Variants in TYMS observed in about 807,000 individuals in gnomAD.
TYMS encodes the protein thymidylate synthetase, also known as thymidylate synthase.
In TYMS, 21 loss-of-function variants were observed where a neutral mutation model predicts 39.3. That is an observed-to-expected ratio of 0.54 (90% CI 0.38 to 0.77). The LOEUF (loss-of-function observed/expected upper bound fraction) is 0.77. Ranked by LOEUF, TYMS falls within the 30% of genes least tolerant of loss-of-function variation. TYMS has a pLI of 0.00. For missense variants in TYMS, 273 were observed against 406.7 expected (o/e 0.67, Z 2.83); for synonymous variants, 171 against 162.2 (o/e 1.05, Z -0.41).
At position 657,715 on chromosome 18, in the gene TYMS, C is replaced by T. The variant is rs973757961; in HGVS notation, c.-28C>T. ...GCCTCCGTCCCGCCGCGCCACTTCG[C>T]CTGCCTCCGTCCCCCGCCCGCCGCG... On this transcript the variant is annotated 5_prime_UTR_variant, in exon 1 of 7. Coordinates refer to ENST00000323274, the MANE Select transcript of TYMS (RefSeq NM_001071.4). 1.1e-5 allele frequency: 14 copies of T among 1,290,710 alleles called. No individual in the cohort carries two copies. The East Asian group carries it at 2.3e-4, about 21-fold the overall frequency. 80.0% of individuals were successfully genotyped at this position (1,290,710 alleles called of 1,614,324 possible).
chr18:658,118 C>CA lies in TYMS; in HGVS notation c.205+172dup. 6.3e-7 allele frequency: 1 copy of CA among 1,587,602 alleles called. No individual in the cohort carries two copies. Among genetic ancestry groups the CA allele is most frequent in the Non-Finnish European group, 8.5e-7 (1 of 1,170,548 alleles). On this transcript the variant is annotated intron_variant, in intron 1 of 6. Transcript: ENST00000323274. The surrounding 1 kb of genome is among the most constrained non-coding windows in gnomAD (Gnocchi z 4.5). Reference sequence around the variant, plus strand: ...TTACAGACGCCGAAACGGAGGGTCCCATTAGGGACGTGACTGGCGCGGGCA... The same window carrying CA: ...TTACAGACGCCGAAACGGAGGGTCCCAATTAGGGACGTGACTGGCGCGGGCA...
chr18:670,524 C>T, intron 4 of TYMS, 168 bp from the exon 5 acceptor site: 1 of 659,768 alleles, frequency 1.5e-6, no homozygotes, highest in East Asian at 2.7e-5. Flanking sequence ...TCCCTCAGCT[C>T]CGTGCCATCG....
chr18:658,007 A>G lies in TYMS; in HGVS notation c.205+60A>G. ...GAAGGAGGGAGGCGCGGCTGGGGAG[A>G]GCGCTCGGGAGCTGCCGGGCGCTGC... On this transcript the variant is annotated intron_variant, in intron 1 of 6. Coordinates refer to ENST00000323274, the MANE Select transcript of TYMS (RefSeq NM_001071.4). The surrounding 1 kb of genome is among the most constrained non-coding windows in gnomAD (Gnocchi z 4.5). 6.6e-7 allele frequency: 1 copy of G among 1,518,726 alleles called. No individual in the cohort carries two copies. Among genetic ancestry groups the G allele is most frequent in the East Asian group, 2.4e-5 (1 of 40,924 alleles). The allele number at this position is 1,518,726 out of a possible 1,614,324, so 94.1% of individuals were successfully genotyped here.
In TYMS at chr18:658,639, G is replaced by T. The variant is rs1041432294; in HGVS notation, c.205+692G>T. ...GCGCCAGGCTTTCAGGGGACAGTGG[G>T]GCGGGGCGGGGTGGGCACAGGACGT... On this transcript the variant is annotated intron_variant, in intron 1 of 6. Coordinates refer to ENST00000323274, the MANE Select transcript of TYMS (RefSeq NM_001071.4). This position sits in a 1 kb window ranked among gnomAD's most constrained non-coding sequence, Gnocchi z 4.5. 1 of 274,630 alleles carries T rather than the reference G, an allele frequency of 3.6e-6. No homozygotes were observed. Among genetic ancestry groups the T allele is most frequent in the Admixed American group, 5.3e-5 (1 of 18,724 alleles). 17.0% of individuals were successfully genotyped at this position (274,630 alleles called of 1,614,324 possible). A position where few individuals can be genotyped will look rare whatever the true frequency, so the allele number is the denominator to read the frequency against.
chr18:664,221 G>A (rs569705589), intron 3 of TYMS, among the ~76,000 whole-genome samples: 32 of 152,066 alleles, frequency 2.1e-4, no homozygotes, highest in Admixed American at 3.3e-4. Flanking sequence ...TCTCCTTGAA[G>A]AGGTCCTTCA....
Position 673,503 on chromosome 18 carries a change from G to A in TYMS, c.*506G>A, listed in dbSNP as rs562692686. 6.0e-5 allele frequency: 12 copies of A among 201,460 alleles called. No homozygotes were observed. The South Asian group carries it at 2.1e-3, about 35-fold the overall frequency. 12.5% of individuals were successfully genotyped at this position (201,460 alleles called of 1,614,324 possible). A position where few individuals can be genotyped will look rare whatever the true frequency, so the allele number is the denominator to read the frequency against. The stretch of plus-strand genomic sequence containing the variant: ...AAAGAAGTGTTCTGCATTCGTCCAC[G>A]CTTTGTTCATTCTGTACTGCCACTT... On this transcript the variant is annotated 3_prime_UTR_variant, in exon 7 of 7. Coordinates refer to ENST00000323274, the MANE Select transcript of TYMS (RefSeq NM_001071.4).
Position 672,883 on chromosome 18 carries a change from C to T in TYMS, c.828C>T (p.Phe276=). Residue 276 remains phenylalanine, a synonymous_variant, in exon 7 of 7, where the codon TTC becomes TTT. Coordinates refer to ENST00000323274, the MANE Select transcript of TYMS (RefSeq NM_001071.4). ...AGCTTCAGCGAGAACCCAGACCTTT[C>T]CCAAAGCTCAGGATTCTTCGAAAAG... The part of the protein sequence containing the change: ...KIQLQREPRP[F]PKLRILRKVE... The T allele has an allele frequency of 6.3e-7, 1 of 1,586,010 alleles. No individual in the cohort carries two copies. The highest frequency in any genetic ancestry group is 8.6e-7 in the Non-Finnish European group (1 of 1,158,562).
intron 2 of TYMS, among the ~76,000 whole-genome samples, chr18:659,979 C>T (rs2074740551): frequency 6.6e-6 from 1 of 152,174 alleles, no homozygotes; most frequent in Admixed American, 6.5e-5. Context: ...GAGGCTGAGG[C>T]ATGAGAATTG....
Position 658,013 on chromosome 18 carries a change from C to A in TYMS, c.205+66C>A. 2 of 1,525,058 alleles carry A rather than the reference C, an allele frequency of 1.3e-6. No homozygotes were observed. The highest frequency in any genetic ancestry group is 2.5e-5 in the South Asian group (2 of 79,350). 94.5% of individuals were successfully genotyped at this position (1,525,058 alleles called of 1,614,324 possible). A position where few individuals can be genotyped will look rare whatever the true frequency, so the allele number is the denominator to read the frequency against. ...GGGAGGCGCGGCTGGGGAGAGCGCT[C>A]GGGAGCTGCCGGGCGCTGCGGACCC... On this transcript the variant is annotated intron_variant, in intron 1 of 6. Coordinates refer to ENST00000323274, the MANE Select transcript of TYMS (RefSeq NM_001071.4). This position sits in a 1 kb window ranked among gnomAD's most constrained non-coding sequence, Gnocchi z 4.5.
intron 2 of TYMS, 34 bp downstream of exon 2, chr18:659,748 C>G (rs762238421): frequency 6.4e-7 from 1 of 1,552,862 alleles, no homozygotes; most frequent in South Asian, 1.1e-5. Context: ...AGTCAGTAGT[C>G]TGTTCTCAAC....
Position 662,180 on chromosome 18 carries a change from G to T in TYMS, c.314G>T (p.Gly105Val). 1 of 1,613,678 alleles carries T rather than the reference G, an allele frequency of 6.2e-7. No individual in the cohort carries two copies. Among genetic ancestry groups the T allele is most frequent in the South Asian group, 1.1e-5 (1 of 91,004 alleles). The change falls in exon 3 of 7, where the codon GGA becomes GTA. Residue 105 changes from glycine (G) to valine (V), a missense_variant. Gly to Val is a moderately radical substitution (Grantham distance 109). This residue lies in a region of TYMS where 228 missense variants were observed against 326.1 expected (regional missense o/e 0.70). Transcript: ENST00000323274. ...STNAKELSSK[G>V]VKIWDANGSR... is the part of the protein sequence containing the mutation. ...AATGCTAAAGAGCTGTCTTCCAAGG[G>T]AGTGAAAATCTGGGATGCCAATGGA...
rs752494510 is a variant in TYMS, at chr18:669,188, G to A, written c.556+15G>A. On this transcript the variant is annotated intron_variant, in intron 4 of 6. Transcript: ENST00000323274. ...GAATCCAAGAGGTTGAAAGAACCCC[G>A]TCGTCTTCATTTATACTAACCATAC... is the stretch of plus-strand genomic sequence containing the variant. The A allele has an allele frequency of 6.8e-6, 11 of 1,607,884 alleles. No individual in the cohort carries two copies. Among genetic ancestry groups the A allele is most frequent in the South Asian group, 4.4e-5 (4 of 90,910 alleles).
At chr18:662,066 T>C (rs982727274) in intron 2 of TYMS, 80 bp from the exon 3 acceptor site, 1 of 1,446,330 alleles carries the variant, frequency 6.9e-7, no homozygotes, top group Non-Finnish European at 9.2e-7. Context: ...GAGGCCCTTG[T>C]AAGTGGTGTC....
At position 670,694 on chromosome 18, in the gene TYMS, C is replaced by T; in HGVS notation, c.559C>T (p.Leu187Phe). 6.2e-7 allele frequency: 1 copy of T among 1,613,868 alleles called. No homozygotes were observed. ...IIMCAWNPRD[L>F]PLMALPPCHA... is the part of the protein sequence containing the mutation. ...ATCTTCCTCTGCTGGTTCCTCAGAT[C>T]TTCCTCTGATGGCGCTGCCTCCATG... The change falls in exon 5 of 7, where the codon CTT becomes TTT. Residue 187 changes from leucine (L) to phenylalanine (F), a missense_variant and splice_region_variant. Physicochemically the swap from Leu to Phe is conservative, Grantham distance 22 (BLOSUM62 0). Coordinates refer to ENST00000323274, the MANE Select transcript of TYMS (RefSeq NM_001071.4).
Position 657,697 on chromosome 18 carries a change from T to TCC in TYMS, c.-44_-43dup, listed in dbSNP as rs538469385. The TCC allele has an allele frequency of 1.6e-6, 2 of 1,268,766 alleles. No homozygotes were observed. The highest frequency in any genetic ancestry group is 2.2e-5 in the South Asian group (1 of 45,090). The allele number at this position is 1,268,766 out of a possible 1,614,324, so 78.6% of individuals were successfully genotyped here. A position where few individuals can be genotyped will look rare whatever the true frequency, so the allele number is the denominator to read the frequency against. On this transcript the variant is annotated 5_prime_UTR_variant, in exon 1 of 7. Transcript: ENST00000323274. ...CGCCGCGCCACTTGGCCTGCCTCCG[T>TCC]CCCGCCGCGCCACTTCGCCTGCCTC...
Position 667,446 on chromosome 18 carries a change from GGT to G in TYMS, c.455-1624_455-1623del, listed in dbSNP as rs1171171812. On this transcript the variant is annotated intron_variant, in intron 3 of 6. Transcript: ENST00000323274. ...TGGTGATGGAGATGGTGATGGTGAT[GGT>G]GATGGTGATGATGGAGATGGTGATG... 5.4e-3 allele frequency among the ~76,000 whole-genome samples: 6 copies of G among 1,110 alleles called. 3 individuals carry two copies. Among genetic ancestry groups the G allele is most frequent in the Non-Finnish European group, 6.2e-3 (4 of 648 alleles). The allele number at this position is 1,110 out of a possible 152,430, so 0.7% of individuals were successfully genotyped here. A position where few individuals can be genotyped will look rare whatever the true frequency, so the allele number is the denominator to read the frequency against.
chr18:671,334 G>A, intron 5 of TYMS, 46 bp from the exon 6 acceptor site: 1 of 1,225,978 alleles, frequency 8.2e-7, no homozygotes, highest in Non-Finnish European at 1.2e-6. Flanking sequence ...ATGTTTTAAA[G>A]AATTGAAACT....
chr18:670,001 C>T (rs1014489288), intron 4 of TYMS, among the ~76,000 whole-genome samples: 5 of 150,192 alleles, frequency 3.3e-5, no homozygotes, highest in African/African-American at 1.2e-4. Flanking sequence ...ATCAGGATAT[C>T]ATAAGTACTT....
chr18:661,703 C>G (rs1410355417), intron 2 of TYMS, among the ~76,000 whole-genome samples: 1 of 152,214 alleles, frequency 6.6e-6, no homozygotes, highest in African/African-American at 2.4e-5. Context: ...ATAGGATGGG[C>G]AGCTGGGTGT....
Sources: allele counts gnomAD v4.1 joint callset (sites outside exome capture counted in the v4.1 genomes callset), GRCh38; gene constraint gnomAD v4.1.1; regional missense constraint gnomAD v4.1.1; non-coding constraint Gnocchi (gnomAD v3.1); transcripts MANE v1.5; gene names NCBI Gene and HGNC (gene_info 2026-07-23, HGNC 2026-07-21).